PTPRD: variants seen among roughly 807,000 people sequenced by gnomAD.
The protein encoded by PTPRD is protein tyrosine phosphatase receptor type D, also known as receptor-type tyrosine-protein phosphatase delta.
Under a neutral mutation model 214.5 loss-of-function variants are expected in PTPRD, and 34 were observed. The observed-to-expected ratio is 0.16, with a 90% CI of 0.12 to 0.21. PTPRD has a LOEUF of 0.21. Ranked by LOEUF, PTPRD falls within the 10% of genes least tolerant of loss-of-function variation. The pLI, the probability that PTPRD is intolerant of heterozygous loss-of-function variation, is 1.00. For synonymous variants in PTPRD, 1,128 were observed against 845.7 expected (o/e 1.33, Z -5.79); for missense variants, 2,545 against 2,398.7 (o/e 1.06, Z -1.27).
chr9:9,739,643 G>A (rs778420544), intron 6 of PTPRD, among the ~76,000 whole-genome samples: 1 of 151,360 alleles, frequency 6.6e-6, no homozygotes, highest in Non-Finnish European at 1.5e-5. Flanking sequence ...AAAAAAGCCA[G>A]TTGTGGTTTT....
chr9:9,796,589 C>G (rs1026460412), intron 5 of PTPRD, among the ~76,000 whole-genome samples: 1 of 152,096 alleles, frequency 6.6e-6, no homozygotes, highest in South Asian at 2.1e-4. Flanking sequence ...AACCTGTAGC[C>G]TGATAAATGT....
chr9:9,486,500 C>T (rs1012809561), intron 8 of PTPRD, among the ~76,000 whole-genome samples: 1 of 152,112 alleles, frequency 6.6e-6, no homozygotes, highest in East Asian at 1.9e-4. Context: ...GACACATACA[C>T]TCTTATGCTT....
chr9:9,754,402 G>T (rs1432756421), intron 6 of PTPRD, among the ~76,000 whole-genome samples: 1 of 152,036 alleles, frequency 6.6e-6, no homozygotes, highest in African/African-American at 2.4e-5. Context: ...GAGATGAAAT[G>T]TTTATTCTGA....
Position 10,352,948 on chromosome 9 carries a change from CTT to C in PTPRD, c.-599-11933_-599-11932del, listed in dbSNP as rs540409047. Among the ~76,000 whole-genome samples, 59 of 151,862 alleles carry C rather than the reference CTT, an allele frequency of 3.9e-4. No homozygotes were observed. The South Asian group carries it at 8.5e-3, about 22-fold the overall frequency. On this transcript the variant is annotated intron_variant, in intron 2 of 45. Transcript: ENST00000381196. ...TTTTTAATCATAAAATAAATATTAA[CTT>C]ATATTCAACAGTTTTTGGTTGAGTG...
intron 14 of PTPRD, among the ~76,000 whole-genome samples, chr9:8,531,412 T>C (rs2075656226): frequency 2.0e-5 from 3 of 152,060 alleles, no homozygotes; most frequent in Admixed American, 2.0e-4. Flanking sequence ...ATAGCTGCTA[T>C]ACCACACACG....
intron 3 of PTPRD, among the ~76,000 whole-genome samples, chr9:10,092,676 G>A (rs2098444176): frequency 6.6e-6 from 1 of 151,302 alleles, no homozygotes; most frequent in South Asian, 2.1e-4. Context: ...ACAAACCCGA[G>A]GCATCATATT....
At chr9:8,888,293 A>G (rs144475385) in intron 11 of PTPRD, among the ~76,000 whole-genome samples, 32 of 152,280 alleles carry the variant, frequency 2.1e-4, no homozygotes, top group Middle Eastern at 3.4e-3. Context: ...GTTCATTTAC[A>G]TGGCTATTTA....
At chr9:9,684,693 T>TTGTGTGTGTGTGTGTGTGTGTGTG (rs138242584) in intron 7 of PTPRD, among the ~76,000 whole-genome samples, 32 of 149,052 alleles carry the variant, frequency 2.1e-4, no homozygotes, top group African/African-American at 7.3e-4. Flanking sequence ...AATACAGCAT[T>TTGTGTGTGTGTGTGTGTGTGTGTG]TGTGTGTGTG....
chr9:9,424,749 T>C (rs1310617874), intron 8 of PTPRD, among the ~76,000 whole-genome samples: 1 of 152,142 alleles, frequency 6.6e-6, no homozygotes, highest in African/African-American at 2.4e-5. Context: ...AATTAATAAA[T>C]TTAGGAAGGT....
intron 11 of PTPRD, among the ~76,000 whole-genome samples, chr9:8,776,672 G>A (rs1222077102): frequency 1.3e-5 from 2 of 151,816 alleles, no homozygotes; most frequent in Non-Finnish European, 2.9e-5. Flanking sequence ...GCAGCAGTAT[G>A]AGTGATAGCC....
At chr9:8,716,594 G>A (rs888228600) in intron 12 of PTPRD, among the ~76,000 whole-genome samples, 1 of 131,504 alleles carries the variant, frequency 7.6e-6, no homozygotes, top group Non-Finnish European at 1.5e-5. Context: ...CCATCCCAAA[G>A]ATGTACTTCC....
chr9:9,838,715 T>A (rs2057509506), intron 5 of PTPRD, among the ~76,000 whole-genome samples: 1 of 152,188 alleles, frequency 6.6e-6, no homozygotes, highest in South Asian at 2.1e-4. Flanking sequence ...TTTTTTTAGG[T>A]TGCCTGTTCA....
chr9:9,004,650 T>C (rs1449256954), intron 11 of PTPRD, among the ~76,000 whole-genome samples: 1 of 152,058 alleles, frequency 6.6e-6, no homozygotes, highest in Non-Finnish European at 1.5e-5. Context: ...GTTTGGATGA[T>C]ATAACCACCC....
rs557345244 is a variant in PTPRD, at chr9:10,273,346, T to C, written c.-545+67617A>G. 1.8e-4 allele frequency among the ~76,000 whole-genome samples: 27 copies of C among 152,244 alleles called. No homozygotes were observed. The South Asian group carries it at 5.2e-3, about 29-fold the overall frequency. ...AATTGAGTAAATAAATGAAGGAATATTGTGAAGAATATATTTTTCCAAGCC... is the reference window on the plus strand; with the variant it reads ...AATTGAGTAAATAAATGAAGGAATACTGTGAAGAATATATTTTTCCAAGCC... On this transcript the variant is annotated intron_variant, in intron 3 of 45. Coordinates refer to ENST00000381196, the MANE Select transcript of PTPRD (RefSeq NM_002839.4).
At chr9:9,671,652 T>A (rs1443272747) in intron 7 of PTPRD, among the ~76,000 whole-genome samples, 2 of 152,118 alleles carry the variant, frequency 1.3e-5, no homozygotes, top group Non-Finnish European at 2.9e-5. Flanking sequence ...CCCATACTGT[T>A]CTCATGGTAG....
chr9:9,691,273 C>G (rs1453267895), intron 7 of PTPRD, among the ~76,000 whole-genome samples: 2 of 151,934 alleles, frequency 1.3e-5, no homozygotes, highest in East Asian at 3.9e-4. Context: ...ATCCCTACCT[C>G]CCTCCCACAC....
intron 8 of PTPRD, among the ~76,000 whole-genome samples, chr9:9,452,191 T>C (rs1378487223): frequency 2.6e-5 from 4 of 151,524 alleles, no homozygotes; most frequent in Non-Finnish European, 5.9e-5. Context: ...ACTTAAGATG[T>C]GTCATTTAAA....
At chr9:9,572,037 A>T (rs941116367) in intron 8 of PTPRD, among the ~76,000 whole-genome samples, 1 of 151,234 alleles carries the variant, frequency 6.6e-6, no homozygotes, top group Non-Finnish European at 1.5e-5. Context: ...AAAAACTTTG[A>T]TCATAGAAGG....
chr9:8,480,245 G>C (rs570923692), intron 30 of PTPRD, among the ~76,000 whole-genome samples: 8 of 152,094 alleles, frequency 5.3e-5, no homozygotes, highest in Non-Finnish European at 1.2e-4. Flanking sequence ...CATCAGAGAC[G>C]CTCTATCCTC....
Sources: gnomAD v4.1 joint callset for allele counts (sites outside exome capture counted in the v4.1 genomes callset) on GRCh38, gnomAD v4.1.1 for gene constraint, MANE v1.5 for transcripts, NCBI Gene and HGNC (gene_info 2026-07-23, HGNC 2026-07-21) for gene names.